The following TOP6BL variants were observed in gnomAD, a reference collection of about 807,000 sequenced individuals.
TOP6BL encodes the protein type 2 DNA topoisomerase 6 subunit B-like.
At chr11:66,787,361 C>T in the TOP6BL span, among the ~76,000 whole-genome samples, 2 of 151,774 alleles carry the variant, frequency 1.3e-5, no homozygotes, top group African/African-American at 2.4e-5. Context: ...TTTTAATCAT[C>T]GTTAGGTTTT....
the TOP6BL span, chr11:66,843,048 G>T: frequency 1.3e-6 from 2 of 1,562,344 alleles, no homozygotes; most frequent in Non-Finnish European, 1.7e-6. Flanking sequence ...CGGGCAGGGC[G>T]AGCCTCGGAA....
the TOP6BL span, among the ~76,000 whole-genome samples, chr11:66,795,649 G>A: frequency 2.0e-5 from 3 of 151,618 alleles, no homozygotes; most frequent in African/African-American, 7.3e-5. Flanking sequence ...TGAGGTCAAA[G>A]CGGTAGGTTT....
At chr11:66,748,464 T>C in the TOP6BL span, 5 of 1,549,172 alleles carry the variant, frequency 3.2e-6, no homozygotes, top group South Asian at 1.2e-5. Flanking sequence ...GTGATTTCCA[T>C]AGAAGGATTA....
At chr11:66,838,454 T>G in the TOP6BL span, 1 of 1,613,186 alleles carries the variant, frequency 6.2e-7, no homozygotes, top group South Asian at 1.1e-5. Context: ...AGGTAAGGTT[T>G]TAGCTTTTCA....
the TOP6BL span, chr11:66,762,038 C>G: frequency 6.9e-7 from 1 of 1,454,910 alleles, no homozygotes; most frequent in Non-Finnish European, 9.6e-7. Flanking sequence ...TTTTTTCCCC[C>G]CAGCAACTTT....
the TOP6BL span, among the ~76,000 whole-genome samples, chr11:66,790,113 A>T: frequency 8.5e-5 from 13 of 152,242 alleles, no homozygotes; most frequent in Admixed American, 6.5e-5. Context: ...TCTACAAAAA[A>T]TACAAAAAAT....
At chr11:66,804,234 G>T in the TOP6BL span, 2 of 1,481,376 alleles carry the variant, frequency 1.4e-6, no homozygotes, top group Non-Finnish European at 1.8e-6. Context: ...CTTTGAAATG[G>T]GTTTTTATAT....
chr11:66,788,316 T>C, the TOP6BL span: 1 of 1,346,700 alleles, frequency 7.4e-7, no homozygotes, highest in Non-Finnish European at 1.1e-6. Flanking sequence ...TTTATTCTTA[T>C]TTTTCTGCAA....
the TOP6BL span, among the ~76,000 whole-genome samples, chr11:66,806,461 T>C: frequency 2.6e-5 from 4 of 152,142 alleles, no homozygotes; most frequent in South Asian, 2.1e-4. Context: ...AATGAAGTTA[T>C]AGAAAATTAT....
At chr11:66,785,472 A>C in the TOP6BL span, among the ~76,000 whole-genome samples, 69 of 152,248 alleles carry the variant, frequency 4.5e-4, no homozygotes, top group African/African-American at 1.6e-3. Context: ...TTTGCCTGGT[A>C]ATTTTTAATT....
the TOP6BL span, among the ~76,000 whole-genome samples, chr11:66,836,756 A>AC: frequency 6.8e-6 from 1 of 146,018 alleles, no homozygotes; most frequent in Non-Finnish European, 1.5e-5. Flanking sequence ...GCTGGAGTGA[A>AC]GTGGAGCATT....
the TOP6BL span, among the ~76,000 whole-genome samples, chr11:66,789,755 G>A: frequency 2.6e-5 from 4 of 152,142 alleles, no homozygotes; most frequent in Non-Finnish European, 5.9e-5. Flanking sequence ...GTAGGATGAG[G>A]ATTATCACCC....
At chr11:66,791,800 C>T in the TOP6BL span, among the ~76,000 whole-genome samples, 3 of 151,556 alleles carry the variant, frequency 2.0e-5, no homozygotes, top group African/African-American at 7.3e-5. Context: ...TGTCATCTCT[C>T]TCTTCCTCTT....
chr11:66,796,447 G>A, the TOP6BL span: 11 of 997,324 alleles, frequency 1.1e-5, no homozygotes, highest in Non-Finnish European at 1.6e-5. Flanking sequence ...GACATGGACA[G>A]ATGTGATTGG....
chr11:66,758,302 C>CTTTTTCTTTTTTTTTTTTTTTTT, the TOP6BL span: 1 of 67,318 alleles, frequency 1.5e-5, no homozygotes, highest in African/African-American at 7.1e-5. Context: ...TTTTCTTTTT[C>CTTTTTCTTTTTTTTTTTTTTTTT]TTTTTTTTTT....
the TOP6BL span, among the ~76,000 whole-genome samples, chr11:66,756,672 C>G: frequency 6.6e-6 from 1 of 152,130 alleles, no homozygotes; most frequent in African/African-American, 2.4e-5. Context: ...CCCCCAAATC[C>G]CCTCTATAGA....
At chr11:66,795,579 G>A in the TOP6BL span, among the ~76,000 whole-genome samples, 1 of 152,102 alleles carries the variant, frequency 6.6e-6, no homozygotes, top group South Asian at 2.1e-4. Context: ...CGGGATTACA[G>A]GCATAAGCTA....
chr11:66,771,508 T>C, the TOP6BL span: 1 of 152,638 alleles, frequency 6.6e-6, no homozygotes, highest in African/African-American at 2.4e-5. Flanking sequence ...TCTGCACCCT[T>C]ACACTTCTCA....
the TOP6BL span, among the ~76,000 whole-genome samples, chr11:66,803,191 G>T: frequency 6.6e-6 from 1 of 152,178 alleles, no homozygotes; most frequent in Admixed American, 6.5e-5. Flanking sequence ...TAGGCCATTT[G>T]TGATTCATGG....
Sources: gnomAD v4.1 joint callset for allele counts (sites outside exome capture counted in the v4.1 genomes callset) on GRCh38, gnomAD v4.1.1 for gene constraint, MANE v1.5 for transcripts, NCBI Gene and HGNC (gene_info 2026-07-23, HGNC 2026-07-21) for gene names.